Variants in KIAA0825 observed in about 807,000 individuals in gnomAD.
KIAA0825 encodes the protein KIAA0825.
Under a neutral mutation model 147.6 loss-of-function variants are expected in KIAA0825, and 119 were observed. That is an observed-to-expected ratio of 0.81 (90% CI 0.69 to 0.94). The LOEUF (loss-of-function observed/expected upper bound fraction) is 0.94, where lower values mean the gene tolerates loss of function less well. Ranked by LOEUF, KIAA0825 falls within the 40% of genes least tolerant of loss-of-function variation. The probability of loss-of-function intolerance (pLI) is 0.00; values close to 1 mark genes in which losing one functional copy is unlikely to be tolerated. For synonymous variants in KIAA0825, 470 were observed against 518.1 expected (o/e 0.91, Z 1.26); for missense variants, 1,381 against 1,472.7 (o/e 0.94, Z 1.02).
chr5:94,528,986 G>C (rs1769970586), intron 3 of KIAA0825, among the ~76,000 whole-genome samples: 1 of 151,534 alleles, frequency 6.6e-6, no homozygotes, highest in Admixed American at 6.6e-5. Flanking sequence ...AAAAGAGAGT[G>C]GGAGAATGTA....
At chr5:94,531,349 G>A (rs906870839) in intron 3 of KIAA0825, among the ~76,000 whole-genome samples, 1 of 152,148 alleles carries the variant, frequency 6.6e-6, no homozygotes, top group Non-Finnish European at 1.5e-5. Context: ...GACAGAAAAT[G>A]ATGATGAAAA....
Position 94,396,332 on chromosome 5 carries a change from A to G in KIAA0825, c.3065T>C (p.Ile1022Thr). ...GTTTCCGTCCTCAAATATCCGACAT[A>G]TAATTACAATCAAGTTCCAGACAAG... ...GLLVWNLIVI[I>T]CRIFEDGNTV... Residue 1022 changes from isoleucine to threonine, a missense_variant, in exon 17 of 21, where the codon ATA becomes ACA. Physicochemically the swap from Ile to Thr is moderately conservative, Grantham distance 89 (BLOSUM62 -1). Transcript: ENST00000682413. 6.4e-7 allele frequency: 1 copy of G among 1,550,800 alleles called. No homozygotes were observed. The highest frequency in any genetic ancestry group is 8.7e-7 in the Non-Finnish European group (1 of 1,146,690).
chr5:94,472,275 C>G (rs1761295234), intron 8 of KIAA0825, among the ~76,000 whole-genome samples: 1 of 152,006 alleles, frequency 6.6e-6, no homozygotes, highest in Admixed American at 6.6e-5. Flanking sequence ...ATGAGTCTAG[C>G]CTTTCCCAAT....
At chr5:94,459,105 C>CTT (rs2150940760) in intron 12 of KIAA0825, among the ~76,000 whole-genome samples, 1 of 152,052 alleles carries the variant, frequency 6.6e-6, no homozygotes, top group South Asian at 2.1e-4. Flanking sequence ...GTTTTTTTCA[C>CTT]TTAGCATGTT....
chr5:94,411,723 C>T (rs1032852283), intron 15 of KIAA0825, among the ~76,000 whole-genome samples: 4 of 151,690 alleles, frequency 2.6e-5, no homozygotes, highest in African/African-American at 4.8e-5. Context: ...CTGAGGCAGG[C>T]AGATCATGAA....
intron 1 of KIAA0825, among the ~76,000 whole-genome samples, chr5:94,603,898 C>T (rs2152424054): frequency 6.6e-6 from 1 of 152,272 alleles, no homozygotes; most frequent in East Asian, 1.9e-4. Context: ...ATATATGCAA[C>T]CAACAAAGGA....
chr5:94,187,402 G>T (rs1362460756), intron 20 of KIAA0825, among the ~76,000 whole-genome samples: 2 of 105,692 alleles, frequency 1.9e-5, no homozygotes, highest in African/African-American at 3.6e-5. Context: ...AGAGAAAGGA[G>T]TTTTTTTTTT....
intron 10 of KIAA0825, among the ~76,000 whole-genome samples, chr5:94,466,494 C>T (rs999629606): frequency 8.6e-5 from 13 of 151,840 alleles, no homozygotes; most frequent in Admixed American, 3.3e-4. Context: ...CCTAGGTGGG[C>T]GGATCACGAC....
chr5:94,531,070 G>C (rs1166186060), intron 3 of KIAA0825, among the ~76,000 whole-genome samples: 1 of 152,042 alleles, frequency 6.6e-6, no homozygotes, highest in African/African-American at 2.4e-5. Flanking sequence ...ATTGTCTTAT[G>C]CTTATTTGGC....
At chr5:94,544,066 C>A (rs1318129855) in intron 2 of KIAA0825, among the ~76,000 whole-genome samples, 1 of 152,192 alleles carries the variant, frequency 6.6e-6, no homozygotes, top group African/African-American at 2.4e-5. Context: ...ACTCTATGGA[C>A]TCACCCTGAA....
chr5:94,188,433 A>T (rs1770358348), intron 20 of KIAA0825, among the ~76,000 whole-genome samples: 1 of 152,164 alleles, frequency 6.6e-6, no homozygotes, highest in Admixed American at 6.5e-5. Context: ...AAGTTTTCTC[A>T]TACCTCTTTG....
chr5:94,457,331 A>G (rs1184308245), intron 12 of KIAA0825, among the ~76,000 whole-genome samples: 2 of 152,258 alleles, frequency 1.3e-5, no homozygotes, highest in African/African-American at 2.4e-5. Context: ...CCATAGGATT[A>G]TATTTTCCAC....
chr5:94,599,944 A>C (rs191490216), intron 1 of KIAA0825, among the ~76,000 whole-genome samples: 3,126 of 151,830 alleles, frequency 0.021, 207 homozygotes, highest in East Asian at 0.14. Flanking sequence ...CCACCCCCCC[A>C]AAAAAAAGGG....
Position 94,497,968 on chromosome 5 carries a change from C to T in KIAA0825, c.971-13038G>A, listed in dbSNP as rs529953713. ...TTATGGCTTCACCTCAGCATAAACT[C>T]GCATTAAAATTCACACTAGAATTTC... On this transcript the variant is annotated intron_variant, in intron 5 of 20. Coordinates refer to ENST00000682413, the MANE Select transcript of KIAA0825 (RefSeq NM_001145678.3). Among the ~76,000 whole-genome samples, 37 of 152,220 alleles carry T rather than the reference C, an allele frequency of 2.4e-4. No homozygotes were observed. In the East Asian group the frequency reaches 6.0e-3, roughly 25 times the overall value.
At chr5:94,200,684 G>A (rs990413218) in intron 20 of KIAA0825, among the ~76,000 whole-genome samples, 1 of 151,884 alleles carries the variant, frequency 6.6e-6, no homozygotes, top group Non-Finnish European at 1.5e-5. Context: ...AACTGGATAA[G>A]GTTACACATC....
chr5:94,480,343 T>G (rs1268273565), intron 6 of KIAA0825, among the ~76,000 whole-genome samples: 1 of 152,080 alleles, frequency 6.6e-6, no homozygotes, highest in Non-Finnish European at 1.5e-5. Context: ...ATTTTTAACA[T>G]GGAGGTATGT....
intron 11 of KIAA0825, 34 bp downstream of exon 11, chr5:94,464,835 C>A (rs766996185): frequency 1.3e-6 from 2 of 1,524,728 alleles, no homozygotes; most frequent in African/African-American, 1.4e-5. Flanking sequence ...GAAAAGTTTT[C>A]TTGAAAAGCA....
intron 20 of KIAA0825, among the ~76,000 whole-genome samples, chr5:94,249,045 T>A (rs1775797047): frequency 6.6e-6 from 1 of 152,074 alleles, no homozygotes; most frequent in Admixed American, 6.6e-5. Context: ...TCTTATATTT[T>A]TTTTTCCTAA....
intron 20 of KIAA0825, among the ~76,000 whole-genome samples, chr5:94,344,698 T>C (rs1018562830): frequency 6.6e-6 from 1 of 152,216 alleles, no homozygotes; most frequent in South Asian, 2.1e-4. Context: ...TAAACAAATA[T>C]GGTACATACA....
Sources: gnomAD v4.1 joint callset for allele counts (sites outside exome capture counted in the v4.1 genomes callset) on GRCh38, gnomAD v4.1.1 for gene constraint, MANE v1.5 for transcripts, NCBI Gene and HGNC (gene_info 2026-07-23, HGNC 2026-07-21) for gene names.